TRDN: variants seen among roughly 807,000 people sequenced by gnomAD.
TRDN encodes triadin, also known as triadin in skeletal muscle.
Under a neutral mutation model 149.7 loss-of-function variants are expected in TRDN, and 161 were observed. The observed-to-expected ratio is 1.08, with a 90% CI of 0.95 to 1.23. TRDN has a LOEUF of 1.23. Among genes scored for constraint, TRDN ranks in the 50% most tolerant of loss-of-function variants. The pLI is 0.00. For missense variants in TRDN, 896 were observed against 823.5 expected, an observed-to-expected ratio of 1.09 and a Z score of -1.08; for synonymous variants, 294 against 250.5, an observed-to-expected ratio of 1.17 and a Z score of -1.64.
In TRDN at chr6:123,547,356, A is replaced by T; in HGVS notation, c.408T>A (p.Pro136=). The T allele has an allele frequency of 6.8e-7, 1 of 1,463,726 alleles. No homozygotes were observed. Among genetic ancestry groups the T allele is most frequent in the South Asian group, 1.5e-5 (1 of 67,838 alleles). The allele number at this position is 1,463,726 out of a possible 1,614,324, so 90.7% of individuals were successfully genotyped here. A position where few individuals can be genotyped will look rare whatever the true frequency, so the allele number is the denominator to read the frequency against. Residue 136 remains proline, a synonymous_variant, in exon 4 of 41, where the codon CCT becomes CCA. Transcript: ENST00000334268. The part of the protein sequence containing the change: ...EDTDKGEIDE[P]PLRKKEIHKD... ...ACAACTAACCTTTTTTTCTCAAGGGAGGCTCATCTATTTCTCCTAGACCAA... is the reference window on the plus strand; with the variant it reads ...ACAACTAACCTTTTTTTCTCAAGGGTGGCTCATCTATTTCTCCTAGACCAA...
At chr6:123,268,922 T>C (rs1003114220) in intron 31 of TRDN, among the ~76,000 whole-genome samples, 1 of 152,010 alleles carries the variant, frequency 6.6e-6, no homozygotes. Flanking sequence ...GATTCTAGGA[T>C]GTGAATGTGT....
chr6:123,518,655 T>C lies in TRDN; in HGVS notation c.485-2449A>G, dbSNP rs117405228. ...TGAATTCGGACTGAAATTAGCATATTAATGCCTCATTCCTGTTACCCTAGG... is the reference window on the plus strand; with the variant it reads ...TGAATTCGGACTGAAATTAGCATATCAATGCCTCATTCCTGTTACCCTAGG... On this transcript the variant is annotated intron_variant, in intron 5 of 40. Coordinates refer to ENST00000334268, the MANE Select transcript of TRDN (RefSeq NM_006073.4). Among the ~76,000 whole-genome samples, 337 of 152,268 alleles carry C rather than the reference T, an allele frequency of 2.2e-3. 1 individual carries two copies. Among genetic ancestry groups the C allele is most frequent in the African/African-American group, 7.5e-3 (313 of 41,572 alleles).
chr6:123,376,524 A>G (rs1781513685), intron 18 of TRDN, among the ~76,000 whole-genome samples: 1 of 152,160 alleles, frequency 6.6e-6, no homozygotes. Flanking sequence ...CTCTGGGAAT[A>G]AAGAGAAAAA....
At chr6:123,454,296 A>G (rs1775973503) in intron 10 of TRDN, among the ~76,000 whole-genome samples, 1 of 152,196 alleles carries the variant, frequency 6.6e-6, no homozygotes, top group African/African-American at 2.4e-5. Flanking sequence ...AAAAAATGAT[A>G]TCATACTACC....
At chr6:123,274,451 G>A (rs900336765) in intron 27 of TRDN, among the ~76,000 whole-genome samples, 190 bp downstream of exon 27, 1 of 152,044 alleles carries the variant, frequency 6.6e-6, no homozygotes, top group African/African-American at 2.4e-5. Flanking sequence ...AGGTGTTTTA[G>A]TCTAGGGAAT....
At chr6:123,368,458 T>A (rs1002890141) in intron 19 of TRDN, among the ~76,000 whole-genome samples, 1 of 152,212 alleles carries the variant, frequency 6.6e-6, no homozygotes, top group Non-Finnish European at 1.5e-5. Context: ...GCCTATGATA[T>A]TCAGATATCT....
chr6:123,381,450 C>G, intron 15 of TRDN, 60 bp from the exon 16 acceptor site: 5 of 1,461,968 alleles, frequency 3.4e-6, no homozygotes, highest in Non-Finnish European at 4.7e-6. Flanking sequence ...ACGTACTACC[C>G]TACATATTGA....
chr6:123,248,848 A>G (rs1414863837), intron 38 of TRDN, among the ~76,000 whole-genome samples: 1 of 152,106 alleles, frequency 6.6e-6, no homozygotes, highest in Non-Finnish European at 1.5e-5. Flanking sequence ...TGAGGTGAGA[A>G]CCCTCCATAA....
intron 5 of TRDN, chr6:123,529,341 G>A (rs1409963001): frequency 1.3e-6 from 2 of 1,548,220 alleles, no homozygotes; most frequent in Admixed American, 3.9e-5. Flanking sequence ...AGAACAGTAA[G>A]GAGACATTAG....
At chr6:123,441,048 A>T (rs1223288788) in intron 10 of TRDN, 1 of 152,192 alleles carries the variant, frequency 6.6e-6, no homozygotes, top group Non-Finnish European at 1.5e-5. Context: ...TTAAGCTGTC[A>T]TTATGAGACT....
chr6:123,574,274 C>T (rs983804467), intron 1 of TRDN, among the ~76,000 whole-genome samples: 2 of 151,758 alleles, frequency 1.3e-5, no homozygotes, highest in African/African-American at 4.8e-5. Flanking sequence ...AATACATATC[C>T]GAAGTTCTTG....
chr6:123,555,166 G>T (rs1384206023), intron 2 of TRDN, among the ~76,000 whole-genome samples: 1 of 152,096 alleles, frequency 6.6e-6, no homozygotes, highest in African/African-American at 2.4e-5. Context: ...AGCTTTTTAA[G>T]TCCAAACAGT....
At chr6:123,320,756 GT>G (rs942892391) in intron 23 of TRDN, among the ~76,000 whole-genome samples, 4 of 151,474 alleles carry the variant, frequency 2.6e-5, no homozygotes, top group African/African-American at 9.7e-5. Context: ...TATCTATGTT[GT>G]ATTATCTACA....
intron 30 of TRDN, among the ~76,000 whole-genome samples, chr6:123,270,298 T>C (rs1490281992): frequency 6.6e-6 from 1 of 152,020 alleles, no homozygotes. Context: ...GAGATTTCTT[T>C]CTTTCTACTT....
At chr6:123,370,048 T>G (rs563661395) in intron 19 of TRDN, among the ~76,000 whole-genome samples, 81 of 152,294 alleles carry the variant, frequency 5.3e-4, no homozygotes, top group Non-Finnish European at 9.6e-4. Flanking sequence ...TGTTTTATTG[T>G]GAAAGATATC....
intron 1 of TRDN, among the ~76,000 whole-genome samples, chr6:123,586,906 G>A: frequency 6.6e-6 from 1 of 152,008 alleles, no homozygotes; most frequent in Non-Finnish European, 1.5e-5. Context: ...GGGGTGCAGA[G>A]ATATAAGAGG....
chr6:123,228,862 C>T (rs1775487913), intron 38 of TRDN, among the ~76,000 whole-genome samples: 1 of 151,862 alleles, frequency 6.6e-6, no homozygotes, highest in Admixed American at 6.6e-5. Flanking sequence ...ATTCCACTAA[C>T]CCCCTTAAAA....
At chr6:123,573,629 C>A (rs542277299) in intron 1 of TRDN, among the ~76,000 whole-genome samples, 189 of 152,058 alleles carry the variant, frequency 1.2e-3, no homozygotes, top group Non-Finnish European at 1.9e-3. Flanking sequence ...GTATCCTTTC[C>A]AATCAATTAA....
intron 1 of TRDN, among the ~76,000 whole-genome samples, chr6:123,598,232 T>C (rs1039174301): frequency 2.6e-5 from 4 of 152,074 alleles, no homozygotes; most frequent in Non-Finnish European, 5.9e-5. Context: ...AAGCATGTAA[T>C]ATTCAAGGTA....
Sources: allele counts gnomAD v4.1 joint callset (sites outside exome capture counted in the v4.1 genomes callset), GRCh38; gene constraint gnomAD v4.1.1; transcripts MANE v1.5; gene names NCBI Gene and HGNC (gene_info 2026-07-23, HGNC 2026-07-21).